Variants in FBLN1 observed in about 807,000 individuals in gnomAD.
The protein encoded by FBLN1 is fibulin 1, also known as fibulin-1.
Under a neutral mutation model 89.7 loss-of-function variants are expected in FBLN1, and 34 were observed. That is an observed-to-expected ratio of 0.38 (90% confidence interval 0.29 to 0.50). The LOEUF (loss-of-function observed/expected upper bound fraction) is 0.50. Among genes scored for constraint, FBLN1 ranks in the 20% least tolerant of loss-of-function variants. The pLI is 0.92. For missense variants in FBLN1, 777 were observed against 988.1 expected (o/e 0.79, Z 2.86); for synonymous variants, 393 against 391.3 (o/e 1.00, Z -0.05).
In FBLN1 at chr22:45,556,650, C is replaced by T. The variant is rs2088792021; in HGVS notation, c.1697+6035C>T. On this transcript the variant is annotated intron_variant, in intron 14 of 16. Transcript: ENST00000327858. The surrounding 1 kb of genome is among the most constrained non-coding windows in gnomAD (Gnocchi z 4.6). ...TCATTTTGGAGTAGTAGACTGATTT[C>T]ATCTTGATAGTCTGGGTCAGCCACC... Among the ~76,000 whole-genome samples the T allele has an allele frequency of 6.6e-6, 1 of 152,140 alleles. No individual in the cohort carries two copies. The highest frequency in any genetic ancestry group is 2.1e-4 in the South Asian group (1 of 4,824).
chr22:45,576,761 T>C lies in FBLN1; in HGVS notation c.1841-216T>C, dbSNP rs893932615. ...GATCCAAAATCTCTCCTGACTTCAG[T>C]TTCCCCTGCTATAAAACAGGGATGG... On this transcript the variant is annotated intron_variant, in intron 15 of 16. Coordinates refer to ENST00000327858, the MANE Select transcript of FBLN1 (RefSeq NM_006486.3). This position sits in a 1 kb window ranked among gnomAD's most constrained non-coding sequence, Gnocchi z 5.2. Among the ~76,000 whole-genome samples the C allele has an allele frequency of 6.6e-6, 1 of 152,212 alleles. No homozygotes were observed. The highest frequency in any genetic ancestry group is 1.5e-5 in the Non-Finnish European group (1 of 68,038).
chr22:45,598,277 A>T (rs2089202796), intron 16 of FBLN1, among the ~76,000 whole-genome samples: 2 of 152,164 alleles, frequency 1.3e-5, no homozygotes, highest in South Asian at 4.1e-4. Context: ...CCACAAGTCC[A>T]CTTTCAGTGT....
At chr22:45,598,883 A>G (rs527448853) in intron 16 of FBLN1, among the ~76,000 whole-genome samples, 3 of 152,300 alleles carry the variant, frequency 2.0e-5, no homozygotes, top group African/African-American at 7.2e-5. Context: ...TTGCTGGGGA[A>G]CCTAGGCCTC....
At chr22:45,526,930 G>A (rs374515473) in intron 3 of FBLN1, among the ~76,000 whole-genome samples, 3 of 152,188 alleles carry the variant, frequency 2.0e-5, no homozygotes, top group African/African-American at 7.2e-5. Context: ...TGTGGAAAAA[G>A]CACAGAACAT....
rs559660023 is a variant in FBLN1, at chr22:45,579,142, C to G, written c.1972+2034C>G. On this transcript the variant is annotated intron_variant, in intron 16 of 16. Transcript: ENST00000327858. The surrounding 1 kb of genome is among the most constrained non-coding windows in gnomAD (Gnocchi z 5.5). ...CTGCTGGGCCTAGAACCAGCACCCACCAGCGCCTTTCTCTGGCTGCATCTG... is the reference window on the plus strand; with the variant it reads ...CTGCTGGGCCTAGAACCAGCACCCAGCAGCGCCTTTCTCTGGCTGCATCTG... 2.0e-5 allele frequency among the ~76,000 whole-genome samples: 3 copies of G among 152,356 alleles called. No homozygotes were observed. In the South Asian group the frequency reaches 6.2e-4, roughly 32 times the overall value.
chr22:45,531,560 A>C lies in FBLN1; in HGVS notation c.544+236A>C, dbSNP rs1483231253. On this transcript the variant is annotated intron_variant, in intron 5 of 16. Coordinates refer to ENST00000327858, the MANE Select transcript of FBLN1 (RefSeq NM_006486.3). The surrounding 1 kb of genome is among the most constrained non-coding windows in gnomAD (Gnocchi z 4.9). ...AACAAACAAAAAGCAAAACCAAGGA[A>C]TCTCGGTGCTGATCTCACTGGAAGT... Among the ~76,000 whole-genome samples, 1 of 152,148 alleles carries C rather than the reference A, an allele frequency of 6.6e-6. No individual in the cohort carries two copies. Among genetic ancestry groups the C allele is most frequent in the East Asian group, 1.9e-4 (1 of 5,182 alleles).
In FBLN1 at chr22:45,564,393, G is replaced by A. The variant is rs143887534; in HGVS notation, c.1698-10118G>A. Among the ~76,000 whole-genome samples the A allele has an allele frequency of 3.8e-3, 582 of 152,354 alleles. 6 individuals are homozygous for A. Among genetic ancestry groups the A allele is most frequent in the African/African-American group, 0.013 (548 of 41,578 alleles). The stretch of plus-strand genomic sequence containing the variant: ...CTCCAGATCCTCAAGATGTCTGAAG[G>A]CCGTGCCTAATTTAGTCCTTGCATG... On this transcript the variant is annotated intron_variant, in intron 14 of 16. Coordinates refer to ENST00000327858, the MANE Select transcript of FBLN1 (RefSeq NM_006486.3).
At chr22:45,566,889 GATAATA>G (rs1208648891) in intron 14 of FBLN1, among the ~76,000 whole-genome samples, 2 of 152,196 alleles carry the variant, frequency 1.3e-5, no homozygotes, top group Non-Finnish European at 2.9e-5. Flanking sequence ...TTATTGTAAT[GATAATA>G]ATAACAACTC....
intron 1 of FBLN1, among the ~76,000 whole-genome samples, chr22:45,510,995 C>T (rs556978938): frequency 1.8e-3 from 274 of 152,258 alleles, no homozygotes; most frequent in Non-Finnish European, 3.5e-3. Flanking sequence ...CATCGGGCAC[C>T]GTGTCAGCCT....
rs1263924870 is a variant in FBLN1 at position 45,537,066 on chromosome 22, T to C, written c.922+1729T>C. On this transcript the variant is annotated intron_variant, in intron 8 of 16. Transcript: ENST00000327858. This position sits in a 1 kb window ranked among gnomAD's most constrained non-coding sequence, Gnocchi z 5.7. ...CCTCTGCTTGGCAGACGCCCCTGGG[T>C]CCTGCCTTTGAGGTCAGAGAGACTT... 6.6e-6 allele frequency among the ~76,000 whole-genome samples: 1 copy of C among 152,122 alleles called. No homozygotes were observed. Among genetic ancestry groups the C allele is most frequent in the Non-Finnish European group, 1.5e-5 (1 of 68,024 alleles).
At chr22:45,586,346 G>A (rs2089085648) in intron 16 of FBLN1, among the ~76,000 whole-genome samples, 1 of 152,232 alleles carries the variant, frequency 6.6e-6, no homozygotes, top group South Asian at 2.1e-4. Context: ...GCATGGTGGG[G>A]AGAGGGGACT....
chr22:45,601,112 TAAAC>T lies in FBLN1; in HGVS notation c.*669_*672del, dbSNP rs1236152138. 1 of 155,908 alleles carries T rather than the reference TAAAC, an allele frequency of 6.4e-6. No homozygotes were observed. Among genetic ancestry groups the T allele is most frequent in the Middle Eastern group, 3.1e-3 (1 of 320 alleles). 9.7% of individuals were successfully genotyped at this position (155,908 alleles called of 1,614,324 possible). On this transcript the variant is annotated 3_prime_UTR_variant, in exon 17 of 17. Transcript: ENST00000327858. ...CCATCTTTTCTTATAGGTGGGAAAA[TAAAC>T]AACTTTGTGATCCTCCTGATGGCCT... is the stretch of plus-strand genomic sequence containing the variant.
At position 45,588,431 on chromosome 22, in the gene FBLN1, C is replaced by T. The variant is rs2089106670; in HGVS notation, c.1972+11323C>T. ...TCGCTTGACTTTCAATTCCACCAAA[C>T]AATTCCTAGACAGAAGAGCCTCCAG... On this transcript the variant is annotated intron_variant, in intron 16 of 16. Transcript: ENST00000327858. This position sits in a 1 kb window ranked among gnomAD's most constrained non-coding sequence, Gnocchi z 5.1. Among the ~76,000 whole-genome samples, 1 of 152,224 alleles carries T rather than the reference C, an allele frequency of 6.6e-6. No homozygotes were observed. The highest frequency in any genetic ancestry group is 2.4e-5 in the African/African-American group (1 of 41,444).
chr22:45,586,452 G>C (rs1332318350), intron 16 of FBLN1, among the ~76,000 whole-genome samples: 2 of 152,218 alleles, frequency 1.3e-5, no homozygotes, highest in Non-Finnish European at 2.9e-5. Context: ...GAGAGGTTGG[G>C]AGATTACACA....
chr22:45,589,068 TA>T (rs2089112728), intron 16 of FBLN1, among the ~76,000 whole-genome samples: 1 of 50,586 alleles, frequency 2.0e-5, no homozygotes, highest in South Asian at 8.4e-4. Context: ...ATGTATTTTT[TA>T]TATATAAAAA....
chr22:45,549,500 T>C lies in FBLN1; in HGVS notation c.1573+756T>C, dbSNP rs1466687274. Among the ~76,000 whole-genome samples the C allele has an allele frequency of 1.3e-5, 2 of 152,144 alleles. No homozygotes were observed. The highest frequency in any genetic ancestry group is 4.8e-5 in the African/African-American group (2 of 41,434). Reference sequence around the variant, plus strand: ...AAAGGCAGGCAGGAGCTGCGGTGTTTCCTGGGAGGCCCCCTCCGCTTGCCC... The same window carrying C: ...AAAGGCAGGCAGGAGCTGCGGTGTTCCCTGGGAGGCCCCCTCCGCTTGCCC... On this transcript the variant is annotated intron_variant, in intron 13 of 16. Transcript: ENST00000327858. This position sits in a 1 kb window ranked among gnomAD's most constrained non-coding sequence, Gnocchi z 5.7.
rs2088386898 is a variant in FBLN1 at position 45,530,249 on chromosome 22, A to G, written c.485-1016A>G. Among the ~76,000 whole-genome samples, 3 of 151,084 alleles carry G rather than the reference A, an allele frequency of 2.0e-5. 1 individual carries two copies. In the South Asian group the frequency reaches 6.3e-4, roughly 32 times the overall value. On this transcript the variant is annotated intron_variant, in intron 4 of 16. Transcript: ENST00000327858. The surrounding 1 kb of genome is among the most constrained non-coding windows in gnomAD (Gnocchi z 5.4). ...CCCAAACCATTCCTGCTGGTGGAGG[A>G]TTTCTCCTGCATCTCGGGGGTGGAT...
Position 45,563,206 on chromosome 22 carries a change from C to T in FBLN1, c.1698-11305C>T. 6.2e-7 allele frequency: 1 copy of T among 1,613,806 alleles called. No homozygotes were observed. The highest frequency in any genetic ancestry group is 8.5e-7 in the Non-Finnish European group (1 of 1,180,034). ...TGACCGTCAAGATGGATCTCTCTCG[C>T]CACGGCACCGTCAGCTCCTTTGTGG... On this transcript the variant is annotated intron_variant, in intron 14 of 16. Transcript: ENST00000327858. The surrounding 1 kb of genome is among the most constrained non-coding windows in gnomAD (Gnocchi z 5.7).
Position 45,532,972 on chromosome 22 carries a change from G to A in FBLN1, c.545-91G>A, listed in dbSNP as rs2088429314. On this transcript the variant is annotated intron_variant, in intron 5 of 16. Transcript: ENST00000327858. This position sits in a 1 kb window ranked among gnomAD's most constrained non-coding sequence, Gnocchi z 4.2. ...GCCTTCCTGGGTTCGTCTGCCCAGA[G>A]GGCGTTTTCTATGACCCAGCCTGAA... The A allele has an allele frequency of 3.3e-6, 4 of 1,194,228 alleles. No individual in the cohort carries two copies. The African/African-American group carries it at 4.5e-5, about 13-fold the overall frequency. 74.0% of individuals were successfully genotyped at this position (1,194,228 alleles called of 1,614,324 possible). A position where few individuals can be genotyped will look rare whatever the true frequency, so the allele number is the denominator to read the frequency against.
Sources: gnomAD v4.1 joint callset for allele counts (sites outside exome capture counted in the v4.1 genomes callset) on GRCh38, gnomAD v4.1.1 for gene constraint, Gnocchi (gnomAD v3.1) non-coding constraint, MANE v1.5 for transcripts, NCBI Gene and HGNC (gene_info 2026-07-23, HGNC 2026-07-21) for gene names.